CTNNA3: variants seen among roughly 807,000 people sequenced by gnomAD.
The protein encoded by CTNNA3 is catenin alpha-3.
Under a neutral mutation model 95.7 loss-of-function variants are expected in CTNNA3, and 76 were observed. The ratio of observed to expected loss-of-function variants is 0.79; its 90% CI spans 0.66 to 0.96. The LOEUF (loss-of-function observed/expected upper bound fraction) is 0.96, where lower values mean the gene tolerates loss of function less well. Ranked by LOEUF, CTNNA3 falls within the 40% of genes least tolerant of loss-of-function variation. The probability of loss-of-function intolerance (pLI) is 0.00; values close to 1 mark genes in which losing one functional copy is unlikely to be tolerated. For missense variants in CTNNA3, 1,191 were observed against 1,089.8 expected (o/e 1.09, Z -1.31); for synonymous variants, 431 against 374.4 (o/e 1.15, Z -1.74).
At chr10:67,515,415 C>T (rs1839780412) in intron 5 of CTNNA3, among the ~76,000 whole-genome samples, 1 of 152,138 alleles carries the variant, frequency 6.6e-6, no homozygotes, top group Non-Finnish European at 1.5e-5. Context: ...TTCTTTTCTC[C>T]TTTGGGACAA....
chr10:66,949,446 T>A (rs1184418828), intron 7 of CTNNA3, among the ~76,000 whole-genome samples: 1 of 151,972 alleles, frequency 6.6e-6, no homozygotes, highest in Admixed American at 6.6e-5. Context: ...TAATCCCAGC[T>A]ACTTGGGAGG....
intron 5 of CTNNA3, among the ~76,000 whole-genome samples, chr10:67,325,411 T>A (rs1248635458): frequency 6.6e-6 from 1 of 152,106 alleles, no homozygotes; most frequent in Non-Finnish European, 1.5e-5. Flanking sequence ...TAGCTGTGTC[T>A]CAAAGATTCT....
At chr10:67,405,460 T>G (rs932526820) in intron 5 of CTNNA3, among the ~76,000 whole-genome samples, 5 of 152,168 alleles carry the variant, frequency 3.3e-5, no homozygotes, top group African/African-American at 1.2e-4. Flanking sequence ...GAGTATTACA[T>G]AATGATAAAG....
At chr10:67,580,084 T>C (rs1217146168) in intron 3 of CTNNA3, among the ~76,000 whole-genome samples, 1 of 152,218 alleles carries the variant, frequency 6.6e-6, no homozygotes, top group Non-Finnish European at 1.5e-5. Flanking sequence ...CAATTTAGGC[T>C]TTTGTTGCCA....
intron 2 of CTNNA3, among the ~76,000 whole-genome samples, chr10:67,613,022 C>T (rs1843515105): frequency 6.6e-6 from 1 of 152,224 alleles, no homozygotes; most frequent in South Asian, 2.1e-4. Flanking sequence ...AGGCTACCTG[C>T]TGCCTACAAG....
chr10:67,473,828 G>A (rs1367516949), intron 5 of CTNNA3, among the ~76,000 whole-genome samples: 4 of 152,132 alleles, frequency 2.6e-5, no homozygotes, highest in Non-Finnish European at 4.4e-5. Context: ...CTCTATATGG[G>A]AGGATGTGTA....
rs146883172 is a variant in CTNNA3 at position 67,053,733 on chromosome 10, T to C, written c.1047+126584A>G. On this transcript the variant is annotated intron_variant, in intron 7 of 17. Coordinates refer to ENST00000433211, the MANE Select transcript of CTNNA3 (RefSeq NM_013266.4). ...TGAAAAAATAAATGGTGGTAAGCAATGGAGAAAAGGAGTATGAAACGAATT... is the reference window on the plus strand; with the variant it reads ...TGAAAAAATAAATGGTGGTAAGCAACGGAGAAAAGGAGTATGAAACGAATT... Among the ~76,000 whole-genome samples, 346 of 152,256 alleles carry C rather than the reference T, an allele frequency of 2.3e-3. 1 individual carries two copies. The highest frequency in any genetic ancestry group is 7.8e-3 in the African/African-American group (326 of 41,552).
intron 7 of CTNNA3, among the ~76,000 whole-genome samples, chr10:67,010,600 C>T (rs985562426): frequency 3.9e-5 from 6 of 152,144 alleles, no homozygotes; most frequent in African/African-American, 1.4e-4. Flanking sequence ...AAAACAGAAG[C>T]ATCTTTACCA....
chr10:66,404,782 GTTT>G (rs3998970), intron 11 of CTNNA3, among the ~76,000 whole-genome samples: 1 of 149,148 alleles, frequency 6.7e-6, no homozygotes, highest in Admixed American at 6.7e-5. Flanking sequence ...TTTCCTGTGG[GTTT>G]TTTTTTTCAC....
At chr10:66,300,649 TAC>T (rs1033345014) in intron 12 of CTNNA3, among the ~76,000 whole-genome samples, 4 of 151,908 alleles carry the variant, frequency 2.6e-5, no homozygotes, top group African/African-American at 9.7e-5. Context: ...ACACTTTAGA[TAC>T]ATACAAATTG....
intron 1 of CTNNA3, among the ~76,000 whole-genome samples, chr10:67,712,441 C>G (rs1034833428): frequency 6.6e-6 from 1 of 152,232 alleles, no homozygotes; most frequent in Non-Finnish European, 1.5e-5. Flanking sequence ...GCCCAGAGGC[C>G]TAGGGGGAAA....
intron 3 of CTNNA3, among the ~76,000 whole-genome samples, chr10:67,541,678 CA>C (rs1272561040): frequency 6.6e-6 from 1 of 152,004 alleles, no homozygotes; most frequent in African/African-American, 2.4e-5. Flanking sequence ...ACATGGAAAG[CA>C]CTCAACAAAG....
At chr10:66,008,701 A>G (rs921335780) in intron 15 of CTNNA3, among the ~76,000 whole-genome samples, 1 of 152,248 alleles carries the variant, frequency 6.6e-6, no homozygotes, top group Non-Finnish European at 1.5e-5. Context: ...AAGTAAAGAT[A>G]AAAGAAACTA....
intron 7 of CTNNA3, among the ~76,000 whole-genome samples, chr10:67,167,162 G>A (rs1253354032): frequency 6.6e-6 from 1 of 152,100 alleles, no homozygotes; most frequent in Non-Finnish European, 1.5e-5. Flanking sequence ...TGGTTCTGAG[G>A]TTTGGCTGGG....
intron 16 of CTNNA3, among the ~76,000 whole-genome samples, chr10:65,971,183 T>C (rs2078093508): frequency 6.6e-6 from 1 of 151,968 alleles, no homozygotes; most frequent in Non-Finnish European, 1.5e-5. Context: ...GGAAAGTTTA[T>C]AGCAGTAAAC....
intron 5 of CTNNA3, among the ~76,000 whole-genome samples, chr10:67,245,810 G>T (rs958635755): frequency 1.2e-4 from 18 of 144,668 alleles, no homozygotes; most frequent in African/African-American, 4.7e-4. Flanking sequence ...AGCCGAGATT[G>T]CACCACTGCA....
chr10:66,059,339 C>T (rs2080149529), intron 15 of CTNNA3, among the ~76,000 whole-genome samples: 1 of 152,082 alleles, frequency 6.6e-6, no homozygotes. Flanking sequence ...TAATGAAGGT[C>T]CTTTCCGTTC....
At chr10:66,263,196 G>A (rs1299356768) in intron 13 of CTNNA3, among the ~76,000 whole-genome samples, 1 of 151,896 alleles carries the variant, frequency 6.6e-6, no homozygotes. Context: ...GAAGCATTCT[G>A]CAGAGCATAT....
chr10:67,125,103 G>A (rs1292830426), intron 7 of CTNNA3, among the ~76,000 whole-genome samples: 1 of 152,130 alleles, frequency 6.6e-6, no homozygotes. Context: ...GCTTTTACCT[G>A]TTTGTTTCAC....
Sources: allele counts gnomAD v4.1 joint callset (sites outside exome capture counted in the v4.1 genomes callset), GRCh38; gene constraint gnomAD v4.1.1; transcripts MANE v1.5; gene names NCBI Gene and HGNC (gene_info 2026-07-23, HGNC 2026-07-21).